TRIM24: variants seen among roughly 807,000 people sequenced by gnomAD.
The protein encoded by TRIM24 is tripartite motif containing 24.
Under a neutral mutation model 123.9 loss-of-function variants are expected in TRIM24, and 29 were observed. The observed-to-expected ratio is 0.23, with a 90% confidence interval of 0.17 to 0.32. TRIM24 has a LOEUF of 0.32. TRIM24 is among the 10% of genes least tolerant of loss of function. The pLI is 1.00. For synonymous variants in TRIM24, 456 were observed against 461.1 expected, an observed-to-expected ratio of 0.99 and a Z score of 0.14; for missense variants, 932 against 1,295.3, an observed-to-expected ratio of 0.72 and a Z score of 4.31.
At chr7:138,508,107 T>C (rs1200457145) in intron 2 of TRIM24, among the ~76,000 whole-genome samples, 11 of 152,192 alleles carry the variant, frequency 7.2e-5, no homozygotes, top group African/African-American at 2.7e-4. Context: ...ACCTAATTAA[T>C]CTCAAGTTAC....
At chr7:138,539,824 A>T (rs1796967695) in intron 7 of TRIM24, among the ~76,000 whole-genome samples, 1 of 141,284 alleles carries the variant, frequency 7.1e-6, no homozygotes. Context: ...TTTTTGAGAC[A>T]GAGTCTCACT....
intron 1 of TRIM24, among the ~76,000 whole-genome samples, chr7:138,495,056 T>G (rs1795872778): frequency 6.6e-6 from 1 of 152,082 alleles, no homozygotes; most frequent in Non-Finnish European, 1.5e-5. Flanking sequence ...AACAAAAAGC[T>G]GCAGTACAAT....
rs752919573 is a variant in TRIM24 at position 138,567,530 on chromosome 7, ATGG to A, written c.1581_1583del (p.Asn527_Gly528delinsLys). 1.9e-6 allele frequency: 3 copies of A among 1,613,856 alleles called. No individual in the cohort carries two copies. The East Asian group carries it at 6.7e-5, about 36-fold the overall frequency. On this transcript the variant is annotated inframe_deletion, in exon 10 of 19. Transcript: ENST00000343526. ...TTTCAGAATCACAGCCCCAAACCCA[ATGG>A]ACCAGTTCTTCCTCCTCATCCTCAA...
chr7:138,565,731 A>G (rs556791983), intron 9 of TRIM24, among the ~76,000 whole-genome samples: 1 of 152,346 alleles, frequency 6.6e-6, no homozygotes, highest in African/African-American at 2.4e-5. Context: ...CTTGACTTTT[A>G]TACACACTTC....
chr7:138,528,816 A>G (rs976676686), intron 5 of TRIM24, among the ~76,000 whole-genome samples: 46 of 110,326 alleles, frequency 4.2e-4, no homozygotes, highest in Middle Eastern at 0.01. Context: ...TAGAGCATTG[A>G]TTTTCCTGGG....
chr7:138,474,337 G>T (rs112972632), intron 1 of TRIM24, among the ~76,000 whole-genome samples: 11,868 of 151,542 alleles, frequency 0.078, 598 homozygotes, highest in Non-Finnish European at 0.11. Flanking sequence ...ATGTTAGCCA[G>T]GATGGTCTCT....
chr7:138,584,024 CA>C (rs1797961465), intron 18 of TRIM24, 25 bp downstream of exon 18: 6 of 1,583,252 alleles, frequency 3.8e-6, no homozygotes, highest in Non-Finnish European at 4.3e-6. Context: ...GGGAAGGGGG[CA>C]GGAAGGAACA....
At position 138,584,924 on chromosome 7, in the gene TRIM24, C is replaced by A; in HGVS notation, c.3126C>A (p.Ser1042Arg). Reference protein sequence around the residue: ...FVQPRKKRLKSIEERQLLK With the variant: ...FVQPRKKRLKRIEERQLLK ...AGCCCCGGAAGAAACGCCTCAAAAG[C>A]ATTGAAGAACGCCAGTTGCTTAAAT... Residue 1042 changes from serine to arginine, a missense_variant, in exon 19 of 19, where the codon AGC becomes AGA. By Grantham distance (110) the Ser-to-Arg change is moderately radical. This residue lies in a region of TRIM24 where 104 missense variants were observed against 121.5 expected (regional missense o/e 0.86). Coordinates refer to ENST00000343526, the MANE Select transcript of TRIM24 (RefSeq NM_015905.3). The A allele has an allele frequency of 6.2e-7, 1 of 1,611,494 alleles. No individual in the cohort carries two copies. Among genetic ancestry groups the A allele is most frequent in the Non-Finnish European group, 8.5e-7 (1 of 1,179,326 alleles).
intron 3 of TRIM24, among the ~76,000 whole-genome samples, 191 bp from the exon 4 acceptor site, chr7:138,518,998 C>CT (rs1190874891): frequency 2.6e-5 from 4 of 151,604 alleles, no homozygotes; most frequent in African/African-American, 9.7e-5. Flanking sequence ...AGGTTATTTA[C>CT]TTTTTTTTTC....
At chr7:138,578,201 A>G in intron 14 of TRIM24, among the ~76,000 whole-genome samples, 1 of 152,154 alleles carries the variant, frequency 6.6e-6, no homozygotes. Context: ...GTAATTACAG[A>G]GTCTTAGTAA....
intron 17 of TRIM24, among the ~76,000 whole-genome samples, chr7:138,582,650 C>G (rs894557205): frequency 6.6e-6 from 1 of 151,882 alleles, no homozygotes; most frequent in Admixed American, 6.6e-5. Flanking sequence ...ACCCCGGAGG[C>G]GGAGGTTGCA....
chr7:138,551,682 A>C (rs190251791), intron 8 of TRIM24, among the ~76,000 whole-genome samples: 3 of 152,248 alleles, frequency 2.0e-5, no homozygotes, highest in African/African-American at 7.2e-5. Flanking sequence ...CTATTCCCTT[A>C]ACCCCCCAAA....
intron 1 of TRIM24, among the ~76,000 whole-genome samples, chr7:138,493,980 T>TATC (rs1291006526): frequency 1.3e-5 from 2 of 152,012 alleles, no homozygotes; most frequent in Non-Finnish European, 2.9e-5. Flanking sequence ...TTGTTGTTGT[T>TATC]ATTATTATTA....
chr7:138,578,920 G>GTATATATATATA (rs71177997), intron 14 of TRIM24, among the ~76,000 whole-genome samples: 2 of 146,360 alleles, frequency 1.4e-5, no homozygotes, highest in African/African-American at 5.0e-5. Flanking sequence ...CTCCAGTGAG[G>GTATATATATATA]TATATATATA....
At chr7:138,548,181 G>A (rs1797138651) in intron 7 of TRIM24, among the ~76,000 whole-genome samples, 1 of 152,102 alleles carries the variant, frequency 6.6e-6, no homozygotes. Flanking sequence ...GACATCATAG[G>A]ATATACTTAC....
chr7:138,542,945 C>G lies in TRIM24; in HGVS notation c.1143+4142C>G, dbSNP rs532925043. Among the ~76,000 whole-genome samples the G allele has an allele frequency of 3.8e-4, 58 of 152,220 alleles. No homozygotes were observed. The South Asian group carries it at 0.012, about 31-fold the overall frequency. ...TTAGTTTTAATGGAAAACATCTATACACTATATACCTTCTGTATTCTGTTA... is the reference window on the plus strand; with the variant it reads ...TTAGTTTTAATGGAAAACATCTATAGACTATATACCTTCTGTATTCTGTTA... On this transcript the variant is annotated intron_variant, in intron 7 of 18. Coordinates refer to ENST00000343526, the MANE Select transcript of TRIM24 (RefSeq NM_015905.3).
intron 3 of TRIM24, 62 bp from the exon 4 acceptor site, chr7:138,519,125 CTA>C (rs1796456214): frequency 6.3e-7 from 1 of 1,584,598 alleles, no homozygotes; most frequent in African/African-American, 1.4e-5. Context: ...AATGAGCAAT[CTA>C]ATAATTATTT....
intron 6 of TRIM24, among the ~76,000 whole-genome samples, chr7:138,537,375 G>GTTTTT (rs1388530445): frequency 4.9e-4 from 13 of 26,270 alleles, no homozygotes; most frequent in African/African-American, 1.5e-3. Flanking sequence ...CGCCACCCCT[G>GTTTTT]TTTGTTTTTT....
At chr7:138,562,825 GT>G (rs1191128083) in intron 9 of TRIM24, among the ~76,000 whole-genome samples, 1 of 152,158 alleles carries the variant, frequency 6.6e-6, no homozygotes, top group Non-Finnish European at 1.5e-5. Context: ...GACGGTAAGG[GT>G]TAACACCATG....
Sources: allele counts gnomAD v4.1 joint callset (sites outside exome capture counted in the v4.1 genomes callset), GRCh38; gene constraint gnomAD v4.1.1; regional missense constraint gnomAD v4.1.1; transcripts MANE v1.5; gene names NCBI Gene and HGNC (gene_info 2026-07-23, HGNC 2026-07-21).